The following CHN1 variants were observed in gnomAD, a reference collection of about 807,000 sequenced individuals.
CHN1 encodes N-chimaerin.
CHN1 carries 37 observed loss-of-function variants against 59.5 expected under a neutral mutation model. The ratio of observed to expected loss-of-function variants is 0.62; its 90% confidence interval spans 0.48 to 0.82. The LOEUF (loss-of-function observed/expected upper bound fraction) is 0.82, where lower values mean the gene tolerates loss of function less well. CHN1 is among the 40% of genes least tolerant of loss of function. The probability of loss-of-function intolerance (pLI) is 0.00; values close to 1 mark genes in which losing one functional copy is unlikely to be tolerated. For missense variants in CHN1, 469 were observed against 571.0 expected (o/e 0.82, Z 1.82); for synonymous variants, 206 against 200.4 (o/e 1.03, Z -0.24).
chr2:174,911,878 T>C (rs755194614), intron 5 of CHN1, among the ~76,000 whole-genome samples: 3 of 152,160 alleles, frequency 2.0e-5, no homozygotes, highest in Non-Finnish European at 4.4e-5. Flanking sequence ...TTCAGGCAGA[T>C]CATTTATAGT....
rs568889376 is a variant in CHN1 at position 174,937,760 on chromosome 2, T to C, written c.114+7128A>G. Among the ~76,000 whole-genome samples the C allele has an allele frequency of 2.6e-5, 4 of 152,118 alleles. 1 individual carries two copies. Among genetic ancestry groups the C allele is most frequent in the African/African-American group, 9.6e-5 (4 of 41,506 alleles). On this transcript the variant is annotated intron_variant, in intron 3 of 12. Transcript: ENST00000409900. The stretch of plus-strand genomic sequence containing the variant: ...CTCTCTTAGTTACCATGAAATCTGA[T>C]TGCTAAAAAGCCTGGCACCTCATCC...
chr2:174,964,323 G>A (rs1163821429), intron 1 of CHN1, among the ~76,000 whole-genome samples: 1 of 152,154 alleles, frequency 6.6e-6, no homozygotes, highest in African/African-American at 2.4e-5. Flanking sequence ...CTATGGTCTT[G>A]GAGTATTATT....
intron 7 of CHN1, among the ~76,000 whole-genome samples, chr2:174,832,580 C>A (rs1685917018): frequency 6.6e-6 from 1 of 152,008 alleles, no homozygotes; most frequent in South Asian, 2.1e-4. Context: ...AGTTATTTAG[C>A]AGTATGTTAT....
rs757445182 is a variant in CHN1 at position 174,812,450 on chromosome 2, T to G, written c.745A>C (p.Lys249Gln). The G allele has an allele frequency of 1.4e-5, 22 of 1,613,884 alleles. No homozygotes were observed. Among genetic ancestry groups the G allele is most frequent in the Non-Finnish European group, 1.7e-5 (20 of 1,179,874 alleles). The change falls in exon 9 of 13, where the codon AAG becomes CAG. Residue 249 changes from lysine to glutamine, a missense_variant. By Grantham distance (53) the Lys-to-Gln change is moderately conservative (BLOSUM62 1). Transcript: ENST00000409900. ...CGLNVHKQCS[K>Q]MVPNDCKPDL... ...GGCTTACAGTCATTTGGGACCATCT[T>G]GGAACACTGCTTATGAACATTCAAA...
chr2:174,938,563 A>G (rs1689567406), intron 3 of CHN1, among the ~76,000 whole-genome samples: 2 of 152,186 alleles, frequency 1.3e-5, no homozygotes, highest in African/African-American at 4.8e-5. Flanking sequence ...GGAAAAACAG[A>G]AAAACATTGA....
intron 5 of CHN1, among the ~76,000 whole-genome samples, chr2:174,901,124 C>T (rs553606646): frequency 6.6e-6 from 1 of 152,284 alleles, no homozygotes; most frequent in Admixed American, 6.5e-5. Flanking sequence ...TCTTCAGAAA[C>T]CAAAAGGAAA....
At chr2:174,970,518 A>C (rs892899879) in intron 1 of CHN1, among the ~76,000 whole-genome samples, 2 of 152,248 alleles carry the variant, frequency 1.3e-5, no homozygotes, top group African/African-American at 4.8e-5. Context: ...TTAATATTTA[A>C]AGATTTTTCC....
In CHN1 at chr2:174,838,157, G is replaced by A. The variant is rs1035792140; in HGVS notation, c.627+8723C>T. Among the ~76,000 whole-genome samples, 64 of 151,914 alleles carry A rather than the reference G, an allele frequency of 4.2e-4. 1 individual carries two copies. Among genetic ancestry groups the A allele is most frequent in the African/African-American group, 1.4e-3 (58 of 41,436 alleles). On this transcript the variant is annotated intron_variant, in intron 7 of 12. Coordinates refer to ENST00000409900, the MANE Select transcript of CHN1 (RefSeq NM_001822.7). ...TGCCCAGGCTGGAGTGCAATGGCAC[G>A]ATCTTGGCTCATTGCAACCTCCGCC...
intron 1 of CHN1, among the ~76,000 whole-genome samples, chr2:174,997,845 C>A (rs1691759315): frequency 6.6e-6 from 1 of 151,674 alleles, no homozygotes; most frequent in Non-Finnish European, 1.5e-5. Flanking sequence ...GCCTGGCCAA[C>A]AAAAATTAGC....
intron 1 of CHN1, among the ~76,000 whole-genome samples, chr2:174,968,037 G>C (rs570708724): frequency 2.0e-5 from 3 of 152,142 alleles, no homozygotes; most frequent in Non-Finnish European, 4.4e-5. Flanking sequence ...TTGCCAGCAG[G>C]CATTAAAATA....
intron 7 of CHN1, among the ~76,000 whole-genome samples, chr2:174,829,406 G>T (rs188442480): frequency 6.6e-6 from 1 of 152,228 alleles, no homozygotes; most frequent in East Asian, 1.9e-4. Flanking sequence ...TTCTCAGTTG[G>T]GCCTGCCATT....
intron 2 of CHN1, among the ~76,000 whole-genome samples, chr2:174,947,089 T>C (rs535682135): frequency 1.6e-3 from 251 of 152,222 alleles, no homozygotes; most frequent in African/African-American, 5.6e-3. Flanking sequence ...AACTGAATGA[T>C]AGTCAAGAAG....
chr2:174,931,693 CA>C (rs1484295198), intron 3 of CHN1, among the ~76,000 whole-genome samples: 2 of 152,024 alleles, frequency 1.3e-5, no homozygotes, highest in Non-Finnish European at 2.9e-5. Flanking sequence ...GAAGACAAGA[CA>C]AAGTAGAACA....
chr2:174,827,874 T>C (rs1685742997), intron 7 of CHN1, among the ~76,000 whole-genome samples: 1 of 151,814 alleles, frequency 6.6e-6, no homozygotes, highest in Admixed American at 6.6e-5. Context: ...GGTACAAAAG[T>C]AGAGAAACTG....
At chr2:174,959,553 A>G (rs1690332800) in intron 1 of CHN1, among the ~76,000 whole-genome samples, 1 of 152,192 alleles carries the variant, frequency 6.6e-6, no homozygotes, top group Admixed American at 6.5e-5. Flanking sequence ...AGGAAGAAAC[A>G]TTACCCCAAT....
intron 5 of CHN1, among the ~76,000 whole-genome samples, chr2:174,913,250 G>A (rs1287191188): frequency 6.6e-6 from 1 of 152,064 alleles, no homozygotes; most frequent in African/African-American, 2.4e-5. Flanking sequence ...GAAATGCAGG[G>A]GAAATGGCAA....
chr2:174,893,897 C>G (rs957547611), intron 5 of CHN1, among the ~76,000 whole-genome samples: 1 of 152,140 alleles, frequency 6.6e-6, no homozygotes, highest in Non-Finnish European at 1.5e-5. Flanking sequence ...CTTCAACAAA[C>G]AGTGTTGGGA....
chr2:174,815,866 T>C (rs1685235534), intron 8 of CHN1, among the ~76,000 whole-genome samples: 1 of 152,220 alleles, frequency 6.6e-6, no homozygotes, highest in East Asian at 1.9e-4. Flanking sequence ...TTTGTTTAGA[T>C]TTAGAATGCT....
chr2:174,854,903 G>A (rs1686849212), intron 6 of CHN1, among the ~76,000 whole-genome samples: 4 of 152,056 alleles, frequency 2.6e-5, no homozygotes, highest in Non-Finnish European at 4.4e-5. Context: ...ATAATTTAGG[G>A]ACACATTATA....
Sources: gnomAD v4.1 joint callset for allele counts (sites outside exome capture counted in the v4.1 genomes callset) on GRCh38, gnomAD v4.1.1 for gene constraint, MANE v1.5 for transcripts, NCBI Gene and HGNC (gene_info 2026-07-23, HGNC 2026-07-21) for gene names.